RGS21: variants seen among roughly 807,000 people sequenced by gnomAD.
RGS21 encodes regulator of G-protein signalling 21.
A neutral mutation model predicts 18.7 loss-of-function variants in RGS21; 19 were observed. That is an observed-to-expected ratio of 1.01 (90% CI 0.71 to 1.49). RGS21 has a LOEUF of 1.49. RGS21 is among the 40% of genes most tolerant of loss of function. The pLI is 0.00. For synonymous variants in RGS21, 56 were observed against 57.8 expected (o/e 0.97, Z 0.14); for missense variants, 194 against 176.8 (o/e 1.10, Z -0.55).
In RGS21 at chr1:192,317,446, T is replaced by TA. The variant is rs78478175; in HGVS notation, c.-61+353dup. 1.2e-3 allele frequency among the ~76,000 whole-genome samples: 167 copies of TA among 144,304 alleles called. 1 individual carries two copies. Among genetic ancestry groups the TA allele is most frequent in the East Asian group, 6.8e-3 (34 of 4,998 alleles). The allele number at this position is 144,304 out of a possible 152,430, so 94.7% of individuals were successfully genotyped here. A position where few individuals can be genotyped will look rare whatever the true frequency, so the allele number is the denominator to read the frequency against. ...TAGAATTTTAAAGCTAGAAGAAATGTAAAAAAAAAAAATCTATCTCATACT... is the reference window on the plus strand; with the variant it reads ...TAGAATTTTAAAGCTAGAAGAAATGTAAAAAAAAAAAAATCTATCTCATACT... On this transcript the variant is annotated intron_variant, in intron 1 of 4. Coordinates refer to ENST00000417209, the MANE Select transcript of RGS21 (RefSeq NM_001039152.3).
chr1:192,323,733 C>A (rs1335007299), intron 1 of RGS21, among the ~76,000 whole-genome samples: 1 of 152,006 alleles, frequency 6.6e-6, no homozygotes, highest in Non-Finnish European at 1.5e-5. Context: ...GAAGACTGGA[C>A]AACCATCAGC....
rs544541285 is a variant in RGS21, at chr1:192,347,010, G to GA, written c.12-299dup. On this transcript the variant is annotated intron_variant, in intron 2 of 4. Coordinates refer to ENST00000417209, the MANE Select transcript of RGS21 (RefSeq NM_001039152.3). Reference sequence around the variant, plus strand: ...ATTAACAAATAATATACTCATAGTTGAAAAGAAATTCACCATTGATCCACA... The same window carrying GA: ...ATTAACAAATAATATACTCATAGTTGAAAAAGAAATTCACCATTGATCCACA... Among the ~76,000 whole-genome samples, 310 of 152,168 alleles carry GA rather than the reference G, an allele frequency of 2.0e-3. 5 individuals are homozygous for GA. Among genetic ancestry groups the GA allele is most frequent in the South Asian group, 8.1e-3 (39 of 4,820 alleles).
intron 1 of RGS21, among the ~76,000 whole-genome samples, chr1:192,342,355 ACAT>A (rs1430237092): frequency 1.3e-5 from 2 of 152,098 alleles, no homozygotes; most frequent in African/African-American, 4.8e-5. Flanking sequence ...ATTACATTAA[ACAT>A]CATATTGCAT....
intron 1 of RGS21, among the ~76,000 whole-genome samples, chr1:192,325,935 T>G (rs1457913317): frequency 6.6e-6 from 1 of 152,174 alleles, no homozygotes; most frequent in Admixed American, 6.6e-5. Context: ...TGGAGACAGA[T>G]CCTGCAGAAA....
At chr1:192,331,231 C>T (rs1456832662) in intron 1 of RGS21, among the ~76,000 whole-genome samples, 1 of 151,968 alleles carries the variant, frequency 6.6e-6, no homozygotes, top group Non-Finnish European at 1.5e-5. Context: ...TGTAAGTGAT[C>T]TGATTTTAAA....
At chr1:192,348,364 G>A (rs1167650569) in intron 3 of RGS21, among the ~76,000 whole-genome samples, 4 of 152,198 alleles carry the variant, frequency 2.6e-5, no homozygotes, top group African/African-American at 9.6e-5. Context: ...TTTGGTACAA[G>A]TTGAAAGAAA....
Position 192,352,166 on chromosome 1 carries a change from G to A in RGS21, c.208G>A (p.Ala70Thr), listed in dbSNP as rs765842265. The A allele has an allele frequency of 1.1e-5, 17 of 1,610,848 alleles. No homozygotes were observed. The East Asian group carries it at 3.1e-4, about 30-fold the overall frequency. The change falls in exon 4 of 5, where the codon GCC becomes ACC. Residue 70 changes from alanine to threonine, a missense_variant. Transcript: ENST00000417209. The part of the protein sequence containing the change: ...TKNADKIASK[A>T]KMIYSEFIEA... ...AAATGCAGACAAAATTGCTTCCAAA[G>A]CCAAGATGATTTATTCTGAATTCAT...
intron 1 of RGS21, among the ~76,000 whole-genome samples, chr1:192,335,492 T>C (rs907769812): frequency 1.3e-5 from 2 of 152,346 alleles, no homozygotes; most frequent in South Asian, 4.1e-4. Context: ...TTTTTCTACC[T>C]ATCCATTTCA....
chr1:192,322,982 CG>C, intron 1 of RGS21, among the ~76,000 whole-genome samples: 1 of 151,972 alleles, frequency 6.6e-6, no homozygotes, highest in East Asian at 1.9e-4. Flanking sequence ...ATTAAGGGGG[CG>C]GGGATGGATG....
intron 2 of RGS21, among the ~76,000 whole-genome samples, chr1:192,347,099 G>T (rs1021316163): frequency 6.6e-6 from 1 of 152,066 alleles, no homozygotes; most frequent in Non-Finnish European, 1.5e-5. Context: ...AAGACTGTCA[G>T]CTAGATTAAT....
At chr1:192,347,469 TA>T in intron 3 of RGS21, 80 bp downstream of exon 3, 1 of 717,842 alleles carries the variant, frequency 1.4e-6, no homozygotes, top group Non-Finnish European at 2.4e-6. Context: ...TAACATATCA[TA>T]AAGTATGAGT....
chr1:192,326,093 C>T (rs1658565092), intron 1 of RGS21, among the ~76,000 whole-genome samples: 1 of 151,904 alleles, frequency 6.6e-6, no homozygotes, highest in Non-Finnish European at 1.5e-5. Context: ...AATATTACAA[C>T]TTAAATATAA....
At chr1:192,319,145 A>C (rs1012451716) in intron 1 of RGS21, among the ~76,000 whole-genome samples, 2 of 152,092 alleles carry the variant, frequency 1.3e-5, no homozygotes, top group African/African-American at 4.8e-5. Context: ...GCTACTTGGG[A>C]GGCTGAGGAG....
intron 1 of RGS21, among the ~76,000 whole-genome samples, chr1:192,333,052 T>C (rs1658682278): frequency 6.6e-6 from 1 of 151,080 alleles, no homozygotes; most frequent in Non-Finnish European, 1.5e-5. Context: ...AGATGGCAAA[T>C]ATCACATGAA....
At chr1:192,342,067 A>G (rs1331915689) in intron 1 of RGS21, among the ~76,000 whole-genome samples, 1 of 151,940 alleles carries the variant, frequency 6.6e-6, no homozygotes, top group East Asian at 1.9e-4. Context: ...GATACTAACC[A>G]TTTCTATAGA....
chr1:192,359,112 G>T (rs1001743323), intron 4 of RGS21, among the ~76,000 whole-genome samples: 1 of 151,884 alleles, frequency 6.6e-6, no homozygotes, highest in Non-Finnish European at 1.5e-5. Flanking sequence ...GCAGTGTAGT[G>T]GTTTCAGAAA....
intron 2 of RGS21, among the ~76,000 whole-genome samples, chr1:192,344,301 G>A (rs562138697): frequency 2.0e-5 from 3 of 152,108 alleles, no homozygotes; most frequent in African/African-American, 7.2e-5. Context: ...AAATATATAT[G>A]TATTAACTCA....
intron 1 of RGS21, among the ~76,000 whole-genome samples, chr1:192,335,180 G>A (rs1658749912): frequency 1.3e-5 from 2 of 152,128 alleles, no homozygotes; most frequent in East Asian, 1.9e-4. Context: ...ATTTTAAATC[G>A]TGAAAGAACA....
At chr1:192,359,659 A>ATATATATATATATATATATATATG (rs1323703021) in intron 4 of RGS21, among the ~76,000 whole-genome samples, 6 of 143,474 alleles carry the variant, frequency 4.2e-5, no homozygotes, top group African/African-American at 1.5e-4. Context: ...GTGTGTGTAT[A>ATATATATATATATATATATATATG]TATATATATA....
Sources: allele counts gnomAD v4.1 joint callset (sites outside exome capture counted in the v4.1 genomes callset), GRCh38; gene constraint gnomAD v4.1.1; transcripts MANE v1.5; gene names NCBI Gene and HGNC (gene_info 2026-07-23, HGNC 2026-07-21).